Variants in FOCAD observed in about 807,000 individuals in gnomAD.
FOCAD encodes the protein KIAA1797.
Under a neutral mutation model 225.6 loss-of-function variants are expected in FOCAD, and 198 were observed. The observed-to-expected ratio is 0.88, with a 90% confidence interval of 0.78 to 0.99. The LOEUF (loss-of-function observed/expected upper bound fraction) is 0.99, where lower values mean the gene tolerates loss of function less well. FOCAD is among the 50% of genes least tolerant of loss of function. FOCAD has a pLI of 0.00. For missense variants in FOCAD, 2,713 were observed against 2,123.6 expected, an observed-to-expected ratio of 1.28 and a Z score of -5.46; for synonymous variants, 897 against 755.0, an observed-to-expected ratio of 1.19 and a Z score of -3.08.
intron 1 of FOCAD, among the ~76,000 whole-genome samples, chr9:20,688,338 G>T (rs909373727): frequency 3.8e-4 from 58 of 152,210 alleles, no homozygotes; most frequent in Admixed American, 3.5e-3. Flanking sequence ...TGAGTTAGTG[G>T]CCAGATGGAT....
chr9:20,995,677 A>G lies in FOCAD; in HGVS notation c.*48A>G, dbSNP rs759867316. 13 of 1,542,702 alleles carry G rather than the reference A, an allele frequency of 8.4e-6. No homozygotes were observed. The Admixed American group carries it at 2.2e-4, about 26-fold the overall frequency. Reference sequence around the variant, plus strand: ...CATTCTCAGCTGGATGAGGAAAACCATATAAGTGGAAGAAGTTTTTCAGAA... The same window carrying G: ...CATTCTCAGCTGGATGAGGAAAACCGTATAAGTGGAAGAAGTTTTTCAGAA... On this transcript the variant is annotated 3_prime_UTR_variant, in exon 44 of 44. Transcript: ENST00000338382.
intron 42 of FOCAD, among the ~76,000 whole-genome samples, chr9:20,992,404 T>C (rs1475601650): frequency 6.6e-6 from 1 of 152,226 alleles, no homozygotes; most frequent in Non-Finnish European, 1.5e-5. Flanking sequence ...TGGGGGCTTA[T>C]ATCTGATGTG....
At chr9:20,717,329 C>T (rs1280751035) in intron 2 of FOCAD, among the ~76,000 whole-genome samples, 3 of 152,174 alleles carry the variant, frequency 2.0e-5, no homozygotes, top group African/African-American at 7.2e-5. Context: ...TAGTTTCCAA[C>T]CCGTACACAG....
chr9:20,968,884 T>C lies in FOCAD; in HGVS notation c.4133-7536T>C, dbSNP rs536500318. The stretch of plus-strand genomic sequence containing the variant: ...TTAGAATTATTTCTACTTTTTAAAA[T>C]GCCTTTTTAAAACTGGCATTTATTG... On this transcript the variant is annotated intron_variant, in intron 35 of 43. Coordinates refer to ENST00000338382, the MANE Select transcript of FOCAD (RefSeq NM_001375567.1). 2.6e-5 allele frequency among the ~76,000 whole-genome samples: 4 copies of C among 152,336 alleles called. No homozygotes were observed. The East Asian group carries it at 7.7e-4, about 29-fold the overall frequency.
intron 20 of FOCAD, among the ~76,000 whole-genome samples, chr9:20,884,586 C>T (rs1374649828): frequency 2.0e-5 from 3 of 151,906 alleles, no homozygotes; most frequent in African/African-American, 4.8e-5. Flanking sequence ...TGTGAGCCAC[C>T]GTGCCTGTCC....
At chr9:20,758,448 C>G in intron 6 of FOCAD, among the ~76,000 whole-genome samples, 1 of 151,860 alleles carries the variant, frequency 6.6e-6, no homozygotes, top group East Asian at 1.9e-4. Context: ...ATGTGCCATG[C>G]TGGTGTGCTG....
upstream of FOCAD, among the ~76,000 whole-genome samples, chr9:20,679,714 T>C (rs1271350020): frequency 6.6e-6 from 1 of 152,224 alleles, no homozygotes; most frequent in African/African-American, 2.4e-5. Context: ...ACAGAAATAC[T>C]ATCTGCCTGC....
rs1310073914 is a variant in FOCAD, at chr9:20,982,463, C to G, written c.4728+17C>G. The stretch of plus-strand genomic sequence containing the variant: ...GTTACTAAGGTAATAACATATCTTT[C>G]TATACCTTTTTTCATTATTGAGCCA... On this transcript the variant is annotated intron_variant, in intron 39 of 43. Transcript: ENST00000338382. 6.3e-7 allele frequency: 1 copy of G among 1,583,974 alleles called. No individual in the cohort carries two copies. Among genetic ancestry groups the G allele is most frequent in the Non-Finnish European group, 8.7e-7 (1 of 1,155,116 alleles).
intron 1 of FOCAD, among the ~76,000 whole-genome samples, chr9:20,685,790 C>A (rs991019727): frequency 3.9e-5 from 6 of 152,242 alleles, no homozygotes; most frequent in South Asian, 4.2e-4. Context: ...TCATTAACCC[C>A]AAATTTACTG....
At chr9:20,990,436 C>G in intron 42 of FOCAD, 62 bp downstream of exon 42, 1 of 1,578,016 alleles carries the variant, frequency 6.3e-7, no homozygotes, top group Non-Finnish European at 8.6e-7. Flanking sequence ...GCAGTTTCTA[C>G]TGTAGAATTG....
intron 11 of FOCAD, among the ~76,000 whole-genome samples, chr9:20,814,057 C>T (rs1172011177): frequency 6.6e-6 from 1 of 152,144 alleles, no homozygotes. Flanking sequence ...AATATCTTCT[C>T]ACTTTCAGCC....
Position 20,937,396 on chromosome 9 carries a change from G to T in FOCAD, c.3407+4293G>T, listed in dbSNP as rs202172618. ...CAAAACAGAGATATAGACCAATGGAGCAGAACAGAGCTCTCAGAAATAATG... is the reference window on the plus strand; with the variant it reads ...CAAAACAGAGATATAGACCAATGGATCAGAACAGAGCTCTCAGAAATAATG... On this transcript the variant is annotated intron_variant, in intron 28 of 43. Coordinates refer to ENST00000338382, the MANE Select transcript of FOCAD (RefSeq NM_001375567.1). 5.0e-4 allele frequency among the ~76,000 whole-genome samples: 76 copies of T among 151,520 alleles called. 5 individuals are homozygous for T. The South Asian group carries it at 0.015, about 30-fold the overall frequency.
intron 26 of FOCAD, among the ~76,000 whole-genome samples, chr9:20,928,330 C>A (rs985354590): frequency 1.3e-5 from 2 of 152,126 alleles, no homozygotes; most frequent in African/African-American, 4.8e-5. Flanking sequence ...GTAACATTAT[C>A]ATTAAAACAG....
intron 11 of FOCAD, among the ~76,000 whole-genome samples, chr9:20,815,585 G>C (rs1398050889): frequency 3.5e-5 from 5 of 143,030 alleles, no homozygotes; most frequent in African/African-American, 1.0e-4. Context: ...CAAGATTTCT[G>C]CTGAGAAATC....
At position 20,862,719 on chromosome 9, in the gene FOCAD, A is replaced by G. The variant is rs1029224677; in HGVS notation, c.2055+7A>G. 3 of 1,608,642 alleles carry G rather than the reference A, an allele frequency of 1.9e-6. No individual in the cohort carries two copies. The highest frequency in any genetic ancestry group is 2.5e-6 in the Non-Finnish European group (3 of 1,177,804). Reference sequence around the variant, plus strand: ...CAATACAACTGAATATGAGGTATGCATTTGGAGCTCAGCACATTGCCTGCT... The same window carrying G: ...CAATACAACTGAATATGAGGTATGCGTTTGGAGCTCAGCACATTGCCTGCT... On this transcript the variant is annotated splice_region_variant and intron_variant, in intron 16 of 43. Transcript: ENST00000338382.
intron 24 of FOCAD, among the ~76,000 whole-genome samples, chr9:20,919,160 T>A (rs1324770603): frequency 1.3e-5 from 2 of 152,186 alleles, no homozygotes; most frequent in Non-Finnish European, 2.9e-5. Context: ...AGCATTCTTA[T>A]ACACCAATAA....
chr9:20,722,789 CACCTAGATTTT>C, intron 4 of FOCAD, among the ~76,000 whole-genome samples: 2 of 152,194 alleles, frequency 1.3e-5, no homozygotes, highest in East Asian at 3.9e-4. Flanking sequence ...TTGTGCAAGC[CACCTAGATTTT>C]ACCTTACCTT....
chr9:20,884,268 A>G (rs1476394788), intron 20 of FOCAD, among the ~76,000 whole-genome samples: 1 of 152,182 alleles, frequency 6.6e-6, no homozygotes, highest in Non-Finnish European at 1.5e-5. Flanking sequence ...TTAACTAAAA[A>G]GCTATGAGTC....
chr9:20,694,552 G>A (rs941103986), intron 1 of FOCAD: 1 of 152,102 alleles, frequency 6.6e-6, no homozygotes, highest in Non-Finnish European at 1.5e-5. Flanking sequence ...ACACAGATTA[G>A]CAGTTGAAAA....
Sources: allele counts gnomAD v4.1 joint callset (sites outside exome capture counted in the v4.1 genomes callset), GRCh38; gene constraint gnomAD v4.1.1; transcripts MANE v1.5; gene names NCBI Gene and HGNC (gene_info 2026-07-23, HGNC 2026-07-21).